MARK2: variants seen among roughly 807,000 people sequenced by gnomAD.
MARK2 encodes serine/threonine-protein kinase MARK2.
A neutral mutation model predicts 89.8 loss-of-function variants in MARK2; 16 were observed. The ratio of observed to expected loss-of-function variants is 0.18; its 90% CI spans 0.12 to 0.27. The LOEUF is 0.27. Ranked by LOEUF, MARK2 falls within the 10% of genes least tolerant of loss-of-function variation. MARK2 has a pLI of 1.00. For missense variants in MARK2, 621 were observed against 1,049.9 expected, an observed-to-expected ratio of 0.59 and a Z score of 5.65; for synonymous variants, 382 against 399.5, an observed-to-expected ratio of 0.96 and a Z score of 0.52.
chr11:63,876,575 C>T (rs546430546), intron 1 of MARK2, among the ~76,000 whole-genome samples: 4 of 152,334 alleles, frequency 2.6e-5, no homozygotes, highest in Non-Finnish European at 4.4e-5. Flanking sequence ...CCTCTGGCCA[C>T]CCAGCTAAAT....
chr11:63,895,639 C>T lies in MARK2; in HGVS notation c.288+6C>T. On this transcript the variant is annotated splice_donor_region_variant and intron_variant, in intron 3 of 18. Transcript: ENST00000402010. ...ACTCCTCCAGCCTCCAGAAAGTAAG[C>T]ACATGGCACCTCCTGTCCCTTTTTT... 1 of 1,577,434 alleles carries T rather than the reference C, an allele frequency of 6.3e-7. No homozygotes were observed. Among genetic ancestry groups the T allele is most frequent in the Non-Finnish European group, 8.7e-7 (1 of 1,150,452 alleles).
intron 1 of MARK2, among the ~76,000 whole-genome samples, chr11:63,877,909 C>T (rs909997695): frequency 7.9e-5 from 12 of 152,178 alleles, no homozygotes; most frequent in Admixed American, 5.2e-4. Flanking sequence ...CTGAGAAGCT[C>T]GGGCTTTCCA....
chr11:63,879,557 G>A (rs1347816901), intron 1 of MARK2, among the ~76,000 whole-genome samples: 1 of 151,634 alleles, frequency 6.6e-6, no homozygotes, highest in African/African-American at 2.4e-5. Context: ...CCACAACTTA[G>A]GTGCCCTCTC....
At chr11:63,847,836 A>G (rs1054837407) in intron 1 of MARK2, among the ~76,000 whole-genome samples, 7 of 152,158 alleles carry the variant, frequency 4.6e-5, no homozygotes, top group Non-Finnish European at 8.8e-5. Context: ...GCCAGGAGGA[A>G]GGGACTGGGT....
chr11:63,864,383 G>A (rs1180464872), intron 1 of MARK2, among the ~76,000 whole-genome samples: 3 of 152,146 alleles, frequency 2.0e-5, no homozygotes, highest in Admixed American at 1.3e-4. Context: ...CTCCCGAGTA[G>A]CTGGGATTAC....
chr11:63,888,276 C>T (rs1297123465), intron 1 of MARK2, among the ~76,000 whole-genome samples: 2 of 152,102 alleles, frequency 1.3e-5, no homozygotes, highest in Non-Finnish European at 2.9e-5. Context: ...TTGGCAGGGC[C>T]GCCACTCTGG....
intron 1 of MARK2, among the ~76,000 whole-genome samples, chr11:63,854,357 G>A (rs1310427230): frequency 1.3e-5 from 2 of 149,142 alleles, no homozygotes; most frequent in Non-Finnish European, 3.0e-5. Context: ...GCACCACCAC[G>A]CCTGGCTAGT....
At chr11:63,870,683 G>A (rs1938394733) in intron 1 of MARK2, among the ~76,000 whole-genome samples, 1 of 152,236 alleles carries the variant, frequency 6.6e-6, no homozygotes, top group Non-Finnish European at 1.5e-5. Context: ...CGTTCAGCAA[G>A]CAATGAAGTG....
At position 63,904,397 on chromosome 11, in the gene MARK2, TG is replaced by T. The variant is rs1302230355; in HGVS notation, c.1676+251del. ...CTAAGGCTCCAAAGGGAAACCTTTT[TG>T]TTCTGAACCTTCCAGGGTTTCCTTA... On this transcript the variant is annotated intron_variant, in intron 15 of 18. Coordinates refer to ENST00000402010, the MANE Select transcript of MARK2 (RefSeq NM_001039469.3). This position sits in a 1 kb window ranked among gnomAD's most constrained non-coding sequence, Gnocchi z 6.3. 2.6e-5 allele frequency among the ~76,000 whole-genome samples: 4 copies of T among 152,152 alleles called. No individual in the cohort carries two copies. Among genetic ancestry groups the T allele is most frequent in the African/African-American group, 9.7e-5 (4 of 41,446 alleles).
chr11:63,847,482 AG>A (rs2016341527), intron 1 of MARK2, among the ~76,000 whole-genome samples: 1 of 152,136 alleles, frequency 6.6e-6, no homozygotes, highest in African/African-American at 2.4e-5. Context: ...GGAGCAGACC[AG>A]GGGCTTCTCT....
At chr11:63,898,335 C>T in intron 4 of MARK2, 55 bp downstream of exon 4, 1 of 1,522,208 alleles carries the variant, frequency 6.6e-7, no homozygotes, top group Non-Finnish European at 9.1e-7. Context: ...CACTGCTTTC[C>T]AGCATGTCAT....
chr11:63,868,386 C>G (rs1591011085), intron 1 of MARK2: 1 of 167,844 alleles, frequency 6.0e-6, no homozygotes, highest in East Asian at 1.6e-4. Flanking sequence ...TACAGTTACC[C>G]TTAGGGAAGT....
chr11:63,853,844 CTTATTTAT>C (rs948654707), intron 1 of MARK2, among the ~76,000 whole-genome samples: 16 of 151,334 alleles, frequency 1.1e-4, no homozygotes, highest in South Asian at 6.2e-4. Flanking sequence ...TTTTTATTTA[CTTATTTAT>C]TTATTTATTT....
intron 1 of MARK2, among the ~76,000 whole-genome samples, chr11:63,867,133 C>A (rs558643526): frequency 6.6e-6 from 1 of 152,154 alleles, no homozygotes; most frequent in African/African-American, 2.4e-5. Flanking sequence ...CTCAAGCTAT[C>A]CCCCAACCTT....
At chr11:63,846,018 C>A (rs1338319155) in intron 1 of MARK2, among the ~76,000 whole-genome samples, 1 of 151,864 alleles carries the variant, frequency 6.6e-6, no homozygotes, top group South Asian at 2.1e-4. Context: ...CCACCGCGCC[C>A]GGCATCATTG....
At position 63,904,083 on chromosome 11, in the gene MARK2, G is replaced by A. The variant is rs754868438; in HGVS notation, c.1612G>A (p.Val538Met). Residue 538 changes from valine (V) to methionine (M), a missense_variant, in exon 15 of 19, where the codon GTG becomes ATG. By Grantham distance (21) the Val-to-Met change is conservative (BLOSUM62 1). Coordinates refer to ENST00000402010, the MANE Select transcript of MARK2 (RefSeq NM_001039469.3). This position sits in a 1 kb window ranked among gnomAD's most constrained non-coding sequence, Gnocchi z 6.3. ...RQHQKSMSASVHPNKASGLPP... is the reference protein window; with the variant it reads ...RQHQKSMSASMHPNKASGLPP... ...GCACCAGAAATCCATGTCGGCCTCC[G>A]TGCACCCCAACAAGGCCTCTGGGCT... 2.5e-5 allele frequency: 40 copies of A among 1,605,194 alleles called. No individual in the cohort carries two copies. Among genetic ancestry groups the A allele is most frequent in the East Asian group, 4.5e-5 (2 of 44,804 alleles).
chr11:63,849,937 T>C (rs2135207125), intron 1 of MARK2: 1 of 152,300 alleles, frequency 6.6e-6, no homozygotes, highest in African/African-American at 2.4e-5. Context: ...AGAAAGCATT[T>C]AGAATAGCGC....
intron 1 of MARK2, among the ~76,000 whole-genome samples, chr11:63,881,611 CT>C (rs1164942474): frequency 1.3e-5 from 2 of 152,046 alleles, no homozygotes; most frequent in African/African-American, 4.8e-5. Flanking sequence ...TGGCTCTCAT[CT>C]GTCAGAGCAT....
At chr11:63,892,848 T>TC (rs1191071356) in intron 1 of MARK2, among the ~76,000 whole-genome samples, 1 of 149,336 alleles carries the variant, frequency 6.7e-6, no homozygotes, top group Non-Finnish European at 1.5e-5. Flanking sequence ...TCCCGCCTCA[T>TC]CCTCCAGAGC....
Sources: allele counts gnomAD v4.1 joint callset (sites outside exome capture counted in the v4.1 genomes callset), GRCh38; gene constraint gnomAD v4.1.1; non-coding constraint Gnocchi (gnomAD v3.1); transcripts MANE v1.5; gene names NCBI Gene and HGNC (gene_info 2026-07-23, HGNC 2026-07-21).